The following LRP2 variants were observed in gnomAD, a reference collection of about 807,000 sequenced individuals.
LRP2 encodes the protein low-density lipoprotein receptor-related protein 2.
In LRP2, 172 loss-of-function variants were observed where a neutral mutation model predicts 531.0. The ratio of observed to expected loss-of-function variants is 0.32; its 90% confidence interval spans 0.29 to 0.37. The LOEUF (loss-of-function observed/expected upper bound fraction) is 0.37, where lower values mean the gene tolerates loss of function less well. Among genes scored for constraint, LRP2 ranks in the 10% least tolerant of loss-of-function variants. The pLI, the probability that LRP2 is intolerant of heterozygous loss-of-function variation, is 1.00. For missense variants in LRP2, 5,167 were observed against 5,868.3 expected, an observed-to-expected ratio of 0.88 and a Z score of 3.90; for synonymous variants, 1,992 against 2,027.6, an observed-to-expected ratio of 0.98 and a Z score of 0.47.
At chr2:169,200,916 C>T (rs1036437205) in intron 44 of LRP2, among the ~76,000 whole-genome samples, 1 of 152,134 alleles carries the variant, frequency 6.6e-6, no homozygotes, top group Non-Finnish European at 1.5e-5. Flanking sequence ...CACCAGAATC[C>T]ACTTAAAGTG....
intron 37 of LRP2, 32 bp downstream of exon 37, chr2:169,211,936 G>A: frequency 1.2e-6 from 2 of 1,613,504 alleles, no homozygotes; most frequent in South Asian, 2.2e-5. Flanking sequence ...GCCAGATGAA[G>A]TCAAATCTTA....
chr2:169,151,333 T>A (rs933349956), intron 67 of LRP2, among the ~76,000 whole-genome samples: 6 of 152,066 alleles, frequency 3.9e-5, no homozygotes, highest in Admixed American at 6.5e-5. Flanking sequence ...TTCCAATCTG[T>A]TTTAACTACA....
intron 16 of LRP2, among the ~76,000 whole-genome samples, 173 bp downstream of exon 16, chr2:169,270,731 G>C (rs926538981): frequency 6.7e-6 from 1 of 149,678 alleles, no homozygotes; most frequent in African/African-American, 2.5e-5. Flanking sequence ...TTGTGCACAT[G>C]TACCCTAGAA....
intron 6 of LRP2, 77 bp from the exon 7 acceptor site, chr2:169,292,446 A>T: frequency 1.1e-6 from 1 of 913,048 alleles, no homozygotes; most frequent in East Asian, 2.4e-5. Context: ...CTCACTGCCT[A>T]AGCAGTACTC....
rs769767159 is a variant in LRP2, at chr2:169,246,706, A to C, written c.3189T>G (p.Leu1063=). ...DNSDEQLCGT[L]NNTCSSSAFT... is the part of the protein sequence containing the mutation. ...TATCGCCAGTGCATAGCTACTTACT[A>C]AGTGTGCCACATAGTTGCTCATCAC... The change falls in exon 21 of 79, where the codon CTT becomes CTG. Residue 1063 remains leucine (L), a splice_region_variant and synonymous_variant. Transcript: ENST00000649046. 1 of 1,614,190 alleles carries C rather than the reference A, an allele frequency of 6.2e-7. No homozygotes were observed. Among genetic ancestry groups the C allele is most frequent in the Non-Finnish European group, 8.5e-7 (1 of 1,180,020 alleles).
At chr2:169,226,663 G>T in intron 31 of LRP2, 75 bp from the exon 32 acceptor site, 1 of 1,089,940 alleles carries the variant, frequency 9.2e-7, no homozygotes. Context: ...GAAGGCAATA[G>T]CCTGTTACCA....
Position 169,238,103 on chromosome 2 carries a change from C to G in LRP2, c.4494G>C (p.Thr1498=). The part of the protein sequence containing the change: ...GKTWSAFQNG[T]DRRVVFDSSI... ...GAAATGTACTTACCACTCTTCTGTC[C>G]GTTCCATTTTGAAACGCACTCCAGG... Residue 1498 remains threonine, a synonymous_variant, in exon 27 of 79, where the codon ACG becomes ACC. Coordinates refer to ENST00000649046, the MANE Select transcript of LRP2 (RefSeq NM_004525.3). The G allele has an allele frequency of 6.2e-7, 1 of 1,613,904 alleles. No homozygotes were observed. Among genetic ancestry groups the G allele is most frequent in the South Asian group, 1.1e-5 (1 of 91,054 alleles).
At chr2:169,298,653 C>T (rs191143753) in intron 4 of LRP2, among the ~76,000 whole-genome samples, 1 of 152,182 alleles carries the variant, frequency 6.6e-6, no homozygotes, top group East Asian at 1.9e-4. Flanking sequence ...AGTTTCCCAT[C>T]CACATTAGGA....
Position 169,173,138 on chromosome 2 carries a change from C to G in LRP2, c.11101G>C (p.Gly3701Arg), listed in dbSNP as rs778791145. ...CTGTTGTCCCTGCAGTCATCTACAC[C>G]ATTGCACACGGCCCACTTTGGGATG... ...RCIPKWAVCNGVDDCRDNSDE... is the reference protein window; with the variant it reads ...RCIPKWAVCNRVDDCRDNSDE... Residue 3701 changes from glycine to arginine, a missense_variant, in exon 57 of 79, where the codon GGT becomes CGT. This residue lies in a region of LRP2 where 311 missense variants were observed against 309.4 expected (regional missense o/e 1.01). Coordinates refer to ENST00000649046, the MANE Select transcript of LRP2 (RefSeq NM_004525.3). 3 of 1,614,192 alleles carry G rather than the reference C, an allele frequency of 1.9e-6. No homozygotes were observed. Among genetic ancestry groups the G allele is most frequent in the Non-Finnish European group, 2.5e-6 (3 of 1,180,044 alleles).
chr2:169,336,441 G>A (rs956197873), intron 1 of LRP2, among the ~76,000 whole-genome samples: 5 of 152,092 alleles, frequency 3.3e-5, no homozygotes, highest in Non-Finnish European at 7.4e-5. Context: ...TCAGGAGGCT[G>A]AGGCAGGAGA....
chr2:169,173,356 G>A (rs964952568), intron 56 of LRP2, 132 bp from the exon 57 acceptor site: 2 of 1,065,148 alleles, frequency 1.9e-6, no homozygotes, highest in Non-Finnish European at 2.8e-6. Flanking sequence ...GGCGATATGT[G>A]TCTGTTTTAG....
At chr2:169,358,029 C>A (rs934030717) in intron 1 of LRP2, among the ~76,000 whole-genome samples, 1 of 152,148 alleles carries the variant, frequency 6.6e-6, no homozygotes, top group African/African-American at 2.4e-5. Flanking sequence ...AAGCTGAAAG[C>A]GCATGGTACA....
chr2:169,331,418 A>C (rs944135205), intron 1 of LRP2, among the ~76,000 whole-genome samples: 2 of 152,200 alleles, frequency 1.3e-5, no homozygotes, highest in African/African-American at 4.8e-5. Context: ...CAAAGCACTG[A>C]AAGTGTATTT....
At position 169,198,851 on chromosome 2, in the gene LRP2, C is replaced by T. The variant is rs142214474; in HGVS notation, c.8513G>A (p.Arg2838His). 41 of 1,613,718 alleles carry T rather than the reference C, an allele frequency of 2.5e-5. No homozygotes were observed. Among genetic ancestry groups the T allele is most frequent in the African/African-American group, 1.1e-4 (8 of 74,880 alleles). The change falls in exon 45 of 79, where the codon CGC becomes CAC. Residue 2838 changes from arginine (R) to histidine (H), a missense_variant. Arg to His is a conservative substitution (Grantham distance 29). Around this residue, in one of 6 missense-constraint regions of LRP2, gnomAD observed 1,129 missense variants for 1,362.7 expected, o/e 0.83. Coordinates refer to ENST00000649046, the MANE Select transcript of LRP2 (RefSeq NM_004525.3). ...ATTGTCTCCGTCACACAAATAAACG[C>T]GAGGAATACAAATATTTGAATTATG... ...KCHNSNICIP[R>H]VYLCDGDNDC...
intron 31 of LRP2, among the ~76,000 whole-genome samples, chr2:169,227,623 G>A (rs1332200638): frequency 6.6e-6 from 1 of 152,076 alleles, no homozygotes; most frequent in East Asian, 1.9e-4. Flanking sequence ...TAAAAATGAT[G>A]TTTTCATTAT....
intron 16 of LRP2, among the ~76,000 whole-genome samples, chr2:169,260,202 AGAG>A (rs1208597400): frequency 6.6e-6 from 1 of 152,136 alleles, no homozygotes. Context: ...AGGTGGTGAA[AGAG>A]GAGGAGGCAA....
chr2:169,326,614 T>C (rs1310843753), intron 1 of LRP2, among the ~76,000 whole-genome samples: 1 of 152,124 alleles, frequency 6.6e-6, no homozygotes, highest in Non-Finnish European at 1.5e-5. Flanking sequence ...AGTGCCGAGA[T>C]TGCAGCCTCT....
intron 58 of LRP2, 107 bp from the exon 59 acceptor site, chr2:169,170,774 C>A: frequency 1.2e-6 from 1 of 811,578 alleles, no homozygotes; most frequent in South Asian, 1.3e-5. Context: ...CTCCTGTGTC[C>A]CAAGCCCCAG....
intron 37 of LRP2, among the ~76,000 whole-genome samples, chr2:169,210,020 G>A (rs1156315490): frequency 1.3e-5 from 2 of 152,046 alleles, no homozygotes; most frequent in African/African-American, 2.4e-5. Flanking sequence ...GTAATTGACT[G>A]TAACACACTG....
Sources: gnomAD v4.1 joint callset for allele counts (sites outside exome capture counted in the v4.1 genomes callset) on GRCh38, gnomAD v4.1.1 for gene constraint, gnomAD v4.1.1 regional missense constraint, MANE v1.5 for transcripts, NCBI Gene and HGNC (gene_info 2026-07-23, HGNC 2026-07-21) for gene names.